The following SUGCT variants were observed in gnomAD, a reference collection of about 807,000 sequenced individuals.
The protein encoded by SUGCT is succinyl-CoA:glutarate CoA-transferase.
A neutral mutation model predicts 55.0 loss-of-function variants in SUGCT; 41 were observed. The observed-to-expected ratio is 0.74, with a 90% CI of 0.58 to 0.97. SUGCT has a LOEUF of 0.97. SUGCT is among the 50% of genes least tolerant of loss of function. The pLI, the probability that SUGCT is intolerant of heterozygous loss-of-function variation, is 0.00. For missense variants in SUGCT, 568 were observed against 547.8 expected (o/e 1.04, Z -0.37); for synonymous variants, 187 against 200.4 (o/e 0.93, Z 0.56).
At chr7:41,038,533 C>A in the SUGCT span, among the ~76,000 whole-genome samples, 8,993 of 152,234 alleles carry the variant, frequency 0.059, 376 homozygotes, top group South Asian at 0.13. Context: ...CCCCCAGTAC[C>A]CCTCTGCCAA....
Position 40,777,723 on chromosome 7 carries a change from C to CT in SUGCT, c.1153+28234dup, listed in dbSNP as rs573159168. On this transcript the variant is annotated intron_variant, in intron 13 of 13. Coordinates refer to ENST00000335693, the MANE Select transcript of SUGCT (RefSeq NM_001193313.2). Reference sequence around the variant, plus strand: ...GATCTTTAATCTTTCCTTTGGGGGCCTTTTTTTTCTTCTCAAGGCATTCTT... The same window carrying CT: ...GATCTTTAATCTTTCCTTTGGGGGCCTTTTTTTTTCTTCTCAAGGCATTCTT... Among the ~76,000 whole-genome samples, 207 of 151,772 alleles carry CT rather than the reference C, an allele frequency of 1.4e-3. 7 individuals carry two copies. The South Asian group carries it at 0.039, about 29-fold the overall frequency.
At chr7:40,137,506 C>A (rs570397338) in intron 1 of SUGCT, among the ~76,000 whole-genome samples, 1 of 152,212 alleles carries the variant, frequency 6.6e-6, no homozygotes, top group East Asian at 1.9e-4. Context: ...ATTCCATCAA[C>A]CCATTTATCT....
intron 6 of SUGCT, among the ~76,000 whole-genome samples, chr7:40,220,681 C>A (rs1012432489): frequency 2.0e-5 from 3 of 152,170 alleles, no homozygotes; most frequent in Admixed American, 6.5e-5. Context: ...TCCACAAATA[C>A]ATAGATATAT....
chr7:40,417,900 T>TCC (rs1787097667), intron 9 of SUGCT, among the ~76,000 whole-genome samples: 1 of 151,510 alleles, frequency 6.6e-6, no homozygotes, highest in South Asian at 2.1e-4. Context: ...TACATTTAAT[T>TCC]TGTTATTTTG....
chr7:40,156,753 A>G (rs1477377926), intron 1 of SUGCT, among the ~76,000 whole-genome samples: 1 of 152,130 alleles, frequency 6.6e-6, no homozygotes, highest in Non-Finnish European at 1.5e-5. Flanking sequence ...TAGTTTCACT[A>G]TGTGTTATTA....
intron 10 of SUGCT, among the ~76,000 whole-genome samples, chr7:40,452,821 C>T (rs1789262150): frequency 1.3e-5 from 2 of 152,142 alleles, no homozygotes; most frequent in African/African-American, 4.8e-5. Flanking sequence ...AGTAAATACA[C>T]TTTTCCCACT....
chr7:40,510,388 T>C (rs1380332775), intron 12 of SUGCT, among the ~76,000 whole-genome samples: 1 of 152,212 alleles, frequency 6.6e-6, no homozygotes, highest in Non-Finnish European at 1.5e-5. Flanking sequence ...CTAGCACTTA[T>C]TCCGTGTTCT....
chr7:40,814,270 T>G (rs1191026393), intron 13 of SUGCT, among the ~76,000 whole-genome samples: 1 of 152,240 alleles, frequency 6.6e-6, no homozygotes, highest in African/African-American at 2.4e-5. Context: ...GAAATTTTCT[T>G]GAATGATTTC....
chr7:40,993,042 C>T, the SUGCT span, among the ~76,000 whole-genome samples: 4 of 152,104 alleles, frequency 2.6e-5, no homozygotes, highest in Non-Finnish European at 4.4e-5. Flanking sequence ...TGGATATGTG[C>T]ATAAATCACC....
chr7:40,313,008 G>A (rs1795246434), intron 8 of SUGCT, among the ~76,000 whole-genome samples: 1 of 152,156 alleles, frequency 6.6e-6, no homozygotes, highest in Admixed American at 6.5e-5. Context: ...CCATGTGACT[G>A]CTTTGAGAGA....
intron 13 of SUGCT, chr7:40,782,636 G>A (rs1166721154): frequency 6.6e-6 from 1 of 152,150 alleles, no homozygotes; most frequent in East Asian, 1.9e-4. Flanking sequence ...TATTTGGATT[G>A]GCACATGCAT....
intron 12 of SUGCT, among the ~76,000 whole-genome samples, chr7:40,613,696 C>T (rs926471960): frequency 1.8e-4 from 27 of 152,152 alleles, no homozygotes; most frequent in African/African-American, 5.1e-4. Flanking sequence ...CCGCAACCTC[C>T]GCCTCCCGGG....
At chr7:40,407,984 G>A (rs1408417371) in intron 9 of SUGCT, among the ~76,000 whole-genome samples, 3 of 151,908 alleles carry the variant, frequency 2.0e-5, no homozygotes, top group East Asian at 1.9e-4. Context: ...TTTCGATGCC[G>A]CCAAGCTTCT....
chr7:40,983,912 AG>A, the SUGCT span, among the ~76,000 whole-genome samples: 1 of 152,180 alleles, frequency 6.6e-6, no homozygotes, highest in South Asian at 2.1e-4. Context: ...AAACAAAAAA[AG>A]AATTGGTTGG....
At chr7:40,612,940 CT>C (rs370065847) in intron 12 of SUGCT, among the ~76,000 whole-genome samples, 33 of 152,222 alleles carry the variant, frequency 2.2e-4, no homozygotes, top group African/African-American at 7.5e-4. Context: ...CGAGAACAGC[CT>C]GGCCAACATG....
the SUGCT span, among the ~76,000 whole-genome samples, chr7:40,866,181 C>T: frequency 6.6e-6 from 1 of 152,152 alleles, no homozygotes; most frequent in Admixed American, 6.5e-5. Flanking sequence ...CAAACTGTCA[C>T]AGGAAAATAC....
intron 1 of SUGCT, among the ~76,000 whole-genome samples, chr7:40,157,933 G>T (rs909928188): frequency 6.6e-6 from 1 of 152,194 alleles, no homozygotes; most frequent in Non-Finnish European, 1.5e-5. Context: ...TTGGGGCCAG[G>T]CACAGTTGCT....
chr7:40,786,574 T>G (rs1162314591), intron 13 of SUGCT, among the ~76,000 whole-genome samples: 1 of 152,210 alleles, frequency 6.6e-6, no homozygotes, highest in Non-Finnish European at 1.5e-5. Context: ...TGTTGCATAT[T>G]ATTCAAATAA....
chr7:40,212,544 T>C (rs1443318248), intron 6 of SUGCT, among the ~76,000 whole-genome samples: 2 of 152,058 alleles, frequency 1.3e-5, no homozygotes, highest in Non-Finnish European at 2.9e-5. Context: ...ATTTTTTTTT[T>C]GTTTGTTTGA....
Sources: allele counts gnomAD v4.1 joint callset (sites outside exome capture counted in the v4.1 genomes callset), GRCh38; gene constraint gnomAD v4.1.1; transcripts MANE v1.5; gene names NCBI Gene and HGNC (gene_info 2026-07-23, HGNC 2026-07-21).